The following SLC11A2 variants were observed in gnomAD, a reference collection of about 807,000 sequenced individuals.
The protein encoded by SLC11A2 is solute carrier family 11 member 2.
SLC11A2 carries 38 observed loss-of-function variants against 68.0 expected under a neutral mutation model. That is an observed-to-expected ratio of 0.56 (90% CI 0.43 to 0.73). The LOEUF (loss-of-function observed/expected upper bound fraction) is 0.73, where lower values mean the gene tolerates loss of function less well. Among genes scored for constraint, SLC11A2 ranks in the 30% least tolerant of loss-of-function variants. The probability of loss-of-function intolerance (pLI) is 0.00; values close to 1 mark genes in which losing one functional copy is unlikely to be tolerated. For missense variants in SLC11A2, 517 were observed against 690.5 expected (o/e 0.75, Z 2.82); for synonymous variants, 242 against 250.6 (o/e 0.97, Z 0.32).
the SLC11A2 span, chr12:50,954,076 C>T: frequency 3.1e-6 from 5 of 1,607,776 alleles, no homozygotes; most frequent in East Asian, 2.2e-5. Flanking sequence ...CTAGAGACTC[C>T]CCCTTTGTCC....
At chr12:50,985,968 T>TA (rs1380715440), downstream of SLC11A2, 13 of 1,146,942 alleles carry the variant, frequency 1.1e-5, no homozygotes, top group Non-Finnish European at 1.4e-5. Context: ...ATTTCAAGGT[T>TA]AAAAAAATAC....
chr12:50,999,081 C>A, intron 8 of SLC11A2, 93 bp downstream of exon 8: 1 of 1,083,406 alleles, frequency 9.2e-7, no homozygotes, highest in Non-Finnish European at 1.4e-6. Flanking sequence ...GTGAATCATA[C>A]TAGCATTATT....
intron 1 of SLC11A2, chr12:51,024,968 T>C (rs1052405718): frequency 2.6e-5 from 4 of 152,214 alleles, no homozygotes; most frequent in African/African-American, 9.6e-5. Context: ...CAAGCAAGAC[T>C]GTCAATGAAA....
In SLC11A2 at chr12:50,993,763, G is replaced by A. The variant is rs11169656; in HGVS notation, c.1077+781C>T. Among the ~76,000 whole-genome samples, 1,287 of 151,812 alleles carry A rather than the reference G, an allele frequency of 8.5e-3. 20 individuals carry two copies. The highest frequency in any genetic ancestry group is 0.029 in the African/African-American group (1,188 of 41,400). On this transcript the variant is annotated intron_variant, in intron 11 of 15. Coordinates refer to ENST00000262052, the MANE Select transcript of SLC11A2 (RefSeq NM_000617.3). The stretch of plus-strand genomic sequence containing the variant: ...GAAGCACTTGAACCCGGAAGGCAGA[G>A]ATTGCAGTGAGCCAAGATCACGCCA...
chr12:51,024,104 T>A (rs1944226575), intron 1 of SLC11A2, among the ~76,000 whole-genome samples: 1 of 152,046 alleles, frequency 6.6e-6, no homozygotes, highest in Non-Finnish European at 1.5e-5. Flanking sequence ...GTAAGCAATG[T>A]TTTTTTTCAT....
the SLC11A2 span, among the ~76,000 whole-genome samples, chr12:50,972,873 C>T: frequency 2.6e-5 from 4 of 152,240 alleles, no homozygotes; most frequent in African/African-American, 9.6e-5. Context: ...GGGTCCTACA[C>T]CCACGGAGCC....
At chr12:51,017,311 G>A (rs571127740) in intron 1 of SLC11A2, among the ~76,000 whole-genome samples, 7 of 152,212 alleles carry the variant, frequency 4.6e-5, no homozygotes, top group East Asian at 1.9e-4. Context: ...TAAATAAGAC[G>A]ATCTATCATG....
At chr12:51,020,775 T>C (rs952678843) in intron 1 of SLC11A2, among the ~76,000 whole-genome samples, 2 of 152,144 alleles carry the variant, frequency 1.3e-5, no homozygotes, top group Non-Finnish European at 2.9e-5. Flanking sequence ...CCCTAAACAA[T>C]ACAGAACAAT....
At chr12:50,985,242 A>G (rs943585068), downstream of SLC11A2, among the ~76,000 whole-genome samples, 2 of 152,196 alleles carry the variant, frequency 1.3e-5, no homozygotes, top group South Asian at 4.1e-4. Flanking sequence ...GCTAAAGGAA[A>G]TGTTTCAAAA....
intron 1 of SLC11A2, among the ~76,000 whole-genome samples, chr12:51,020,820 T>C (rs1390245302): frequency 2.0e-5 from 3 of 152,228 alleles, no homozygotes; most frequent in African/African-American, 4.8e-5. Flanking sequence ...TTAAGTATTA[T>C]AGACCCAGTG....
At chr12:51,007,398 G>T (rs970856559) in intron 3 of SLC11A2, among the ~76,000 whole-genome samples, 13 of 152,082 alleles carry the variant, frequency 8.5e-5, no homozygotes, top group Non-Finnish European at 1.5e-4. Flanking sequence ...GCAGTGGCGC[G>T]ATCTTGGCTC....
chr12:51,028,685 C>G (rs1944472589), upstream of SLC11A2: 1 of 156,982 alleles, frequency 6.4e-6, no homozygotes, highest in South Asian at 2.0e-4. Context: ...AACCCCAAGC[C>G]TGACAGTGCA....
At chr12:50,974,198 A>T in the SLC11A2 span, among the ~76,000 whole-genome samples, 139 of 152,340 alleles carry the variant, frequency 9.1e-4, no homozygotes, top group Non-Finnish European at 4.9e-4. Flanking sequence ...CAGATTCACC[A>T]AAGTTGAAAT....
intron 1 of SLC11A2, among the ~76,000 whole-genome samples, chr12:51,017,625 C>A (rs901942094): frequency 6.6e-6 from 1 of 152,098 alleles, no homozygotes; most frequent in Admixed American, 6.6e-5. Context: ...TAAAAAATGT[C>A]AAGGTCATAT....
chr12:51,010,603 T>TC, intron 2 of SLC11A2, 92 bp downstream of exon 2: 1 of 760,484 alleles, frequency 1.3e-6, no homozygotes, highest in Non-Finnish European at 2.4e-6. Flanking sequence ...TGATGACAGA[T>TC]GATGACAAGA....
the SLC11A2 span, among the ~76,000 whole-genome samples, chr12:50,963,369 C>CAAAAAAAAAAAAAA: frequency 2.1e-3 from 151 of 72,232 alleles, no homozygotes; most frequent in Non-Finnish European, 2.8e-3. Context: ...GACTCCATCT[C>CAAAAAAAAAAAAAA]AAAAAAAAAA....
At chr12:50,960,267 C>A in the SLC11A2 span, among the ~76,000 whole-genome samples, 1 of 152,188 alleles carries the variant, frequency 6.6e-6, no homozygotes, top group Non-Finnish European at 1.5e-5. Flanking sequence ...TTTTCTCACT[C>A]TACTGGGTTT....
chr12:51,015,340 T>C (rs1237323411), intron 1 of SLC11A2, among the ~76,000 whole-genome samples: 1 of 150,954 alleles, frequency 6.6e-6, no homozygotes, highest in African/African-American at 2.4e-5. Flanking sequence ...CCAGGCATCA[T>C]GGTGCATGCC....
At chr12:50,979,036 A>C (rs1377806500), downstream of SLC11A2, among the ~76,000 whole-genome samples, 1 of 152,146 alleles carries the variant, frequency 6.6e-6, no homozygotes, top group African/African-American at 2.4e-5. Context: ...CCTTTTACAG[A>C]TTGACTCTAT....
Sources: gnomAD v4.1 joint callset for allele counts (sites outside exome capture counted in the v4.1 genomes callset) on GRCh38, gnomAD v4.1.1 for gene constraint, MANE v1.5 for transcripts, NCBI Gene and HGNC (gene_info 2026-07-23, HGNC 2026-07-21) for gene names.